Variants in CDHR2 observed in about 807,000 individuals in gnomAD.
The protein encoded by CDHR2 is cadherin related family member 2.
Under a neutral mutation model 138.6 loss-of-function variants are expected in CDHR2, and 104 were observed. The observed-to-expected ratio is 0.75, with a 90% CI of 0.64 to 0.88. The LOEUF is 0.88. Ranked by LOEUF, CDHR2 falls within the 40% of genes least tolerant of loss-of-function variation. CDHR2 has a pLI of 0.00. For missense variants in CDHR2, 1,624 were observed against 1,727.6 expected, an observed-to-expected ratio of 0.94 and a Z score of 1.06; for synonymous variants, 755 against 742.8, an observed-to-expected ratio of 1.02 and a Z score of -0.27.
chr5:176,571,252 G>A lies in CDHR2; in HGVS notation c.355G>A (p.Asp119Asn), dbSNP rs139892616. ...EMLVIVEDRN[D>N]NAPVFQNTAF... ...GCTGGTGATTGTGGAAGATAGAAAC[G>A]ACAACGCACCCGTTTTCCAGAACAC... Residue 119 changes from aspartate (D) to asparagine (N), a missense_variant, in exon 6 of 32, where the codon GAC (aspartate) becomes AAC (asparagine). Physicochemically the swap from Asp to Asn is conservative, Grantham distance 23 (BLOSUM62 1). Transcript: ENST00000261944. 4.7e-5 allele frequency: 76 copies of A among 1,612,616 alleles called. No homozygotes were observed. The highest frequency in any genetic ancestry group is 6.1e-5 in the Non-Finnish European group (72 of 1,179,554).
Position 176,578,261 on chromosome 5 carries a change from A to G in CDHR2, c.1575-104A>G, listed in dbSNP as rs767777581. The G allele has an allele frequency of 4.2e-5, 53 of 1,261,462 alleles. 1 individual carries two copies. Among genetic ancestry groups the G allele is most frequent in the Non-Finnish European group, 5.8e-5 (51 of 886,318 alleles). The allele number at this position is 1,261,462 out of a possible 1,614,324, so 78.1% of individuals were successfully genotyped here. Reference sequence around the variant, plus strand: ...TTTTGAAATAATGAATATGTTGCATATACTGCATGGGATATGCTGAAATAT... The same window carrying G: ...TTTTGAAATAATGAATATGTTGCATGTACTGCATGGGATATGCTGAAATAT... On this transcript the variant is annotated intron_variant, in intron 15 of 31. Coordinates refer to ENST00000261944, the MANE Select transcript of CDHR2 (RefSeq NM_017675.6).
chr5:176,556,493 A>C (rs544369630), intron 1 of CDHR2, among the ~76,000 whole-genome samples: 127 of 152,284 alleles, frequency 8.3e-4, no homozygotes, highest in Middle Eastern at 3.4e-3. Context: ...GGTGAAACCC[A>C]GTCTCTACTA....
In CDHR2 at chr5:176,590,347, T is replaced by C; in HGVS notation, c.3353+17T>C. 1 of 1,614,110 alleles carries C rather than the reference T, an allele frequency of 6.2e-7. No homozygotes were observed. Among genetic ancestry groups the C allele is most frequent in the Non-Finnish European group, 8.5e-7 (1 of 1,180,002 alleles). On this transcript the variant is annotated intron_variant, in intron 26 of 31. Coordinates refer to ENST00000261944, the MANE Select transcript of CDHR2 (RefSeq NM_017675.6). ...GCTGAGTGTGTGAGTGGGGCTGCCCTTGGGGCAGGTGTGAGGGTGAGCAGG... is the reference window on the plus strand; with the variant it reads ...GCTGAGTGTGTGAGTGGGGCTGCCCCTGGGGCAGGTGTGAGGGTGAGCAGG...
At chr5:176,560,806 CTATTTAAGAT>C (rs1757948293) in intron 1 of CDHR2, among the ~76,000 whole-genome samples, 1 of 152,230 alleles carries the variant, frequency 6.6e-6, no homozygotes, top group African/African-American at 2.4e-5. Context: ...ACGCCAGCAG[CTATTTAAGAT>C]TGTCAGCCTT....
In CDHR2 at chr5:176,581,731, T is replaced by TC. The variant is rs578039406; in HGVS notation, c.2058+152dup. The TC allele has an allele frequency of 3.7e-3, 3,724 of 999,624 alleles. 16 individuals are homozygous for TC. The highest frequency in any genetic ancestry group is 8.9e-3 in the Middle Eastern group (28 of 3,142). 61.9% of individuals were successfully genotyped at this position (999,624 alleles called of 1,614,324 possible). A position where few individuals can be genotyped will look rare whatever the true frequency, so the allele number is the denominator to read the frequency against. Reference sequence around the variant, plus strand: ...TATGGCCCCAGGCAATTACTCAACCTCCCTAGGCACTCAGGCTCCTCATCT... The same window carrying TC: ...TATGGCCCCAGGCAATTACTCAACCTCCCCTAGGCACTCAGGCTCCTCATCT... On this transcript the variant is annotated intron_variant, in intron 17 of 31. Transcript: ENST00000261944.
chr5:176,579,104 T>G (rs1758470475), intron 16 of CDHR2, among the ~76,000 whole-genome samples: 1 of 151,854 alleles, frequency 6.6e-6, no homozygotes, highest in Non-Finnish European at 1.5e-5. Flanking sequence ...GTTCACAGAG[T>G]TCATGAGATA....
Position 176,576,081 on chromosome 5 carries a change from A to G in CDHR2, c.1090A>G (p.Thr364Ala). The G allele has an allele frequency of 1.2e-6, 2 of 1,613,676 alleles. No individual in the cohort carries two copies. The highest frequency in any genetic ancestry group is 1.7e-6 in the Non-Finnish European group (2 of 1,179,940). The change falls in exon 12 of 32, where the codon ACC becomes GCC. Residue 364 changes from threonine to alanine, a missense_variant. By Grantham distance (58) the Thr-to-Ala change is moderately conservative. Coordinates refer to ENST00000261944, the MANE Select transcript of CDHR2 (RefSeq NM_017675.6). The surrounding 1 kb of genome is among the most constrained non-coding windows in gnomAD (Gnocchi z 4.5). ...CTGCAGCCTCCCAGCCTGCACCTTCACCCCCGAAGAGGCCCAAGTGAACTT... is the reference window on the plus strand; with the variant it reads ...CTGCAGCCTCCCAGCCTGCACCTTCGCCCCCGAAGAGGCCCAAGTGAACTT... ...YNCSLPACTF[T>A]PEEAQVNFTG...
intron 24 of CDHR2, 69 bp downstream of exon 24, chr5:176,589,685 C>A: frequency 7.5e-7 from 1 of 1,336,476 alleles, no homozygotes; most frequent in Non-Finnish European, 1.1e-6. Flanking sequence ...CCCGACAAAA[C>A]CTGGATGGGA....
chr5:176,588,454 A>T (rs866070024), intron 21 of CDHR2, among the ~76,000 whole-genome samples: 1 of 121,148 alleles, frequency 8.3e-6, no homozygotes, highest in Non-Finnish European at 1.8e-5. Context: ...TGAGTGTGAG[A>T]GGGTGTGTGA....
At chr5:176,566,715 G>C (rs1758091484) in intron 3 of CDHR2, among the ~76,000 whole-genome samples, 1 of 152,248 alleles carries the variant, frequency 6.6e-6, no homozygotes, top group Non-Finnish European at 1.5e-5. Flanking sequence ...GTCACAGAAG[G>C]AGGAAGGGGA....
intron 19 of CDHR2, among the ~76,000 whole-genome samples, chr5:176,585,703 G>T (rs567769608): frequency 6.6e-6 from 1 of 152,198 alleles, no homozygotes; most frequent in Non-Finnish European, 1.5e-5. Flanking sequence ...AGAGAAGACC[G>T]ATCAGGCATT....
intron 16 of CDHR2, among the ~76,000 whole-genome samples, chr5:176,579,278 G>A (rs1758473664): frequency 6.6e-6 from 1 of 152,254 alleles, no homozygotes; most frequent in African/African-American, 2.4e-5. Context: ...CCAGGACTGT[G>A]TAGTTTCCAG....
intron 1 of CDHR2, among the ~76,000 whole-genome samples, chr5:176,562,352 A>AG (rs35576421): frequency 0.32 from 49,136 of 151,300 alleles, 8,320 homozygotes; most frequent in African/African-American, 0.43. Context: ...GAAACAGAGG[A>AG]GGCTGCACGG....
At position 176,574,121 on chromosome 5, in the gene CDHR2, C is replaced by A. The variant is rs779251502; in HGVS notation, c.444C>A (p.Ala148=). Residue 148 remains alanine (A), a synonymous_variant, in exon 7 of 32, where the codon GCC becomes GCA. Transcript: ENST00000261944. The part of the protein sequence containing the change: ...PVGSVVFSVL[A]VDKDMGSAGM... ...GCAGTGTGGTGTTCTCCGTGCTGGC[C>A]GTGGATAAAGACATGGGGTCTGCAG... The A allele has an allele frequency of 1.1e-5, 18 of 1,613,920 alleles. No individual in the cohort carries two copies. Among genetic ancestry groups the A allele is most frequent in the Non-Finnish European group, 1.4e-5 (16 of 1,179,974 alleles).
Position 176,543,400 on chromosome 5 carries a change from G to A in CDHR2, c.-16+631G>A, listed in dbSNP as rs920143884. 1 of 151,150 alleles carries A rather than the reference G, an allele frequency of 6.6e-6. No individual in the cohort carries two copies. Among genetic ancestry groups the A allele is most frequent in the African/African-American group, 2.4e-5 (1 of 41,392 alleles). 9.4% of individuals were successfully genotyped at this position (151,150 alleles called of 1,614,324 possible). A position where few individuals can be genotyped will look rare whatever the true frequency, so the allele number is the denominator to read the frequency against. On this transcript the variant is annotated intron_variant, in intron 1 of 31. Coordinates refer to the CDHR2 transcript ENST00000510636. This position sits in a 1 kb window ranked among gnomAD's most constrained non-coding sequence, Gnocchi z 4.0. Reference sequence around the variant, plus strand: ...GCCCGGTGCAGGGGAACCGTCCGCGGACCTCACCACCCGGGCGCGCGGGGC... The same window carrying A: ...GCCCGGTGCAGGGGAACCGTCCGCGAACCTCACCACCCGGGCGCGCGGGGC...
At chr5:176,592,479 G>T (rs1463698919) in intron 30 of CDHR2, among the ~76,000 whole-genome samples, 1 of 149,920 alleles carries the variant, frequency 6.7e-6, no homozygotes, top group Non-Finnish European at 1.5e-5. Context: ...TGGTGTTGAG[G>T]TGATGGTGAT....
In CDHR2 at chr5:176,585,821, A is replaced by G. The variant is rs537653935; in HGVS notation, c.2735-133A>G. The G allele has an allele frequency of 5.8e-4, 387 of 662,840 alleles. 1 individual carries two copies. The highest frequency in any genetic ancestry group is 7.4e-4 in the South Asian group (43 of 58,356). 41.1% of individuals were successfully genotyped at this position (662,840 alleles called of 1,614,324 possible). Reference sequence around the variant, plus strand: ...GCACGGGGTTGAGGCTGCGGGGCACAGGGTTGAGGCTGCGGGGCACGGGGT... The same window carrying G: ...GCACGGGGTTGAGGCTGCGGGGCACGGGGTTGAGGCTGCGGGGCACGGGGT... On this transcript the variant is annotated intron_variant, in intron 19 of 31. Coordinates refer to ENST00000261944, the MANE Select transcript of CDHR2 (RefSeq NM_017675.6).
chr5:176,593,771 T>C (rs1047058558), intron 31 of CDHR2, among the ~76,000 whole-genome samples: 1 of 152,172 alleles, frequency 6.6e-6, no homozygotes, highest in Admixed American at 6.5e-5. Flanking sequence ...CATGGAAAGA[T>C]TTGGTCAACC....
Position 176,589,201 on chromosome 5 carries a change from G to T in CDHR2, c.3008+19G>T. 4 of 1,613,674 alleles carry T rather than the reference G, an allele frequency of 2.5e-6. No homozygotes were observed. The highest frequency in any genetic ancestry group is 3.4e-6 in the Non-Finnish European group (4 of 1,179,710). On this transcript the variant is annotated intron_variant, in intron 22 of 31. Coordinates refer to ENST00000261944, the MANE Select transcript of CDHR2 (RefSeq NM_017675.6). ...GCATTCAGTAACTGCGGGCGGCCCC[G>T]GGAGGGAGGTTGCGGGGAGGGGCCC...
Sources: gnomAD v4.1 joint callset for allele counts (sites outside exome capture counted in the v4.1 genomes callset) on GRCh38, gnomAD v4.1.1 for gene constraint, Gnocchi (gnomAD v3.1) non-coding constraint, MANE v1.5 for transcripts, NCBI Gene and HGNC (gene_info 2026-07-23, HGNC 2026-07-21) for gene names.